GGT1: variants seen among roughly 807,000 people sequenced by gnomAD.
GGT1 encodes gamma-glutamyltransferase 1.
In GGT1, 21 loss-of-function variants were observed where a neutral mutation model predicts 56.0. That is an observed-to-expected ratio of 0.38 (90% CI 0.27 to 0.54). The LOEUF (loss-of-function observed/expected upper bound fraction) is 0.54, where lower values mean the gene tolerates loss of function less well. Among genes scored for constraint, GGT1 ranks in the 20% least tolerant of loss-of-function variants. The probability of loss-of-function intolerance (pLI) is 0.82; values close to 1 mark genes in which losing one functional copy is unlikely to be tolerated. For missense variants in GGT1, 466 were observed against 787.0 expected, an observed-to-expected ratio of 0.59 and a Z score of 4.88; for synonymous variants, 238 against 342.6, an observed-to-expected ratio of 0.69 and a Z score of 3.37.
At chr22:24,599,733 C>T (rs573241638), upstream of GGT1, among the ~76,000 whole-genome samples, 35 of 152,264 alleles carry the variant, frequency 2.3e-4, no homozygotes, top group South Asian at 7.0e-3. Context: ...GCCAGCAGGG[C>T]GCAGACTCGT....
chr22:24,620,811 G>A lies in GGT1; in HGVS notation c.576-102G>A. ...ACAGGGCCACCCACCTGTGACAGGCGCTGCCCCTGTTCTGCTCCGTTCTCC... is the reference window on the plus strand; with the variant it reads ...ACAGGGCCACCCACCTGTGACAGGCACTGCCCCTGTTCTGCTCCGTTCTCC... On this transcript the variant is annotated intron_variant, in intron 8 of 15. Transcript: ENST00000400382. This position sits in a 1 kb window ranked among gnomAD's most constrained non-coding sequence, Gnocchi z 5.6. 2.7e-6 allele frequency: 4 copies of A among 1,504,532 alleles called. No individual in the cohort carries two copies. The highest frequency in any genetic ancestry group is 2.2e-5 in the Admixed American group (1 of 45,464). The allele number at this position is 1,504,532 out of a possible 1,614,324, so 93.2% of individuals were successfully genotyped here.
At position 24,605,912 on chromosome 22, in the gene GGT1, TATG is replaced by T. The variant is rs1274310869; in HGVS notation, c.-428-2038_-428-2036del. Among the ~76,000 whole-genome samples the T allele has an allele frequency of 7.7e-5, 5 of 64,986 alleles. 1 individual carries two copies. Among genetic ancestry groups the T allele is most frequent in the Non-Finnish European group, 1.4e-4 (5 of 35,520 alleles). 42.6% of individuals were successfully genotyped at this position (64,986 alleles called of 152,430 possible). A position where few individuals can be genotyped will look rare whatever the true frequency, so the allele number is the denominator to read the frequency against. ...GTGTATTATATATTATATAATATTATATGATGTGTATTATATATTATATATAAT... is the reference window on the plus strand; with the variant it reads ...GTGTATTATATATTATATAATATTATATGTGTATTATATATTATATATAAT... On this transcript the variant is annotated intron_variant, in intron 1 of 15. Transcript: ENST00000400382.
rs2047218151 is a variant in GGT1 at position 24,618,662 on chromosome 22, CAT to C, written c.383-1665_383-1664del. 2.0e-5 allele frequency among the ~76,000 whole-genome samples: 3 copies of C among 152,190 alleles called. No homozygotes were observed. In the South Asian group the frequency reaches 6.2e-4, roughly 32 times the overall value. ...TGTCTAACTACAAGGTGGAAGGAATCATGTGCTGGGTGTCAGACCTTCCGGGA... is the reference window on the plus strand; with the variant it reads ...TGTCTAACTACAAGGTGGAAGGAATCGTGCTGGGTGTCAGACCTTCCGGGA... On this transcript the variant is annotated intron_variant, in intron 7 of 15. Coordinates refer to ENST00000400382, the MANE Select transcript of GGT1 (RefSeq NM_001288833.2).
intron 11 of GGT1, chr22:24,627,057 C>T (rs1238838419): frequency 2.4e-5 from 10 of 423,866 alleles, no homozygotes; most frequent in African/African-American, 4.1e-5. Flanking sequence ...TCAGCACTTT[C>T]CCTGTGTGTG....
chr22:24,626,410 G>A (rs2047772548), intron 11 of GGT1, among the ~76,000 whole-genome samples: 1 of 123,380 alleles, frequency 8.1e-6, no homozygotes, highest in Non-Finnish European at 1.7e-5. Context: ...GGGGACCTTG[G>A]CCAGGCTCAT....
Position 24,610,238 on chromosome 22 carries a change from C to G in GGT1, c.-289-12C>G, listed in dbSNP as rs577030000. On this transcript the variant is annotated splice_polypyrimidine_tract_variant and intron_variant, in intron 3 of 15. Coordinates refer to ENST00000400382, the MANE Select transcript of GGT1 (RefSeq NM_001288833.2). Reference sequence around the variant, plus strand: ...GAAACAAATGTGTTACTGACAGCCTCTTTGCCTCCAGAGTTCAACTGGAGA... The same window carrying G: ...GAAACAAATGTGTTACTGACAGCCTGTTTGCCTCCAGAGTTCAACTGGAGA... 2.0e-4 allele frequency: 60 copies of G among 305,330 alleles called. 1 individual carries two copies. In the East Asian group the frequency reaches 5.7e-3, roughly 29 times the overall value. The allele number at this position is 305,330 out of a possible 1,614,324, so 18.9% of individuals were successfully genotyped here.
At chr22:24,586,652 C>T in the GGT1 span, among the ~76,000 whole-genome samples, 1 of 152,266 alleles carries the variant, frequency 6.6e-6, no homozygotes, top group Non-Finnish European at 1.5e-5. Context: ...CTGCTTCAGC[C>T]TCCCAAGTAG....
chr22:24,609,856 C>T, intron 2 of GGT1, 109 bp from the exon 3 acceptor site: 1 of 393,936 alleles, frequency 2.5e-6, no homozygotes, highest in Middle Eastern at 9.6e-4. Context: ...ACCTGTGCCA[C>T]TCAGGCCTCC....
intron 9 of GGT1, among the ~76,000 whole-genome samples, chr22:24,621,278 T>G (rs930879906): frequency 1.3e-5 from 2 of 151,902 alleles, no homozygotes; most frequent in Non-Finnish European, 2.9e-5. Context: ...AAGTCCCTGT[T>G]GGGGTAAATG....
upstream of GGT1, chr22:24,593,222 C>G (rs2045627296): frequency 1.9e-6 from 1 of 522,754 alleles, no homozygotes; most frequent in Non-Finnish European, 2.5e-6. Flanking sequence ...TTGGCCTGAT[C>G]ACACTGGAGG....
chr22:24,618,202 G>A (rs113615208), intron 7 of GGT1, among the ~76,000 whole-genome samples: 1 of 152,074 alleles, frequency 6.6e-6, no homozygotes, highest in African/African-American at 2.4e-5. Context: ...TTCATTTCTG[G>A]GTGTTAGCAC....
intron 1 of GGT1, among the ~76,000 whole-genome samples, chr22:24,605,151 GTATTATATTATA>G (rs2045997048): frequency 2.3e-5 from 1 of 43,684 alleles, no homozygotes; most frequent in Non-Finnish European, 4.0e-5. Context: ...TATATAATAT[GTATTATATTATA>G]TATTATATAA....
chr22:24,585,668 G>A, the GGT1 span: 1 of 592,778 alleles, frequency 1.7e-6, no homozygotes, highest in Non-Finnish European at 3.0e-6. Flanking sequence ...GGTCCACACT[G>A]TGGGTGCTGG....
In GGT1 at chr22:24,623,897, A is replaced by T; in HGVS notation, c.1001A>T (p.Lys334Met). 1 of 1,611,344 alleles carries T rather than the reference A, an allele frequency of 6.2e-7. No homozygotes were observed. Among genetic ancestry groups the T allele is most frequent in the Non-Finnish European group, 8.5e-7 (1 of 1,179,640 alleles). ...YAKRTLLGDPKFVDVTEVVRN... is the reference protein window; with the variant it reads ...YAKRTLLGDPMFVDVTEVVRN... ...AAGAGGACCCTGCTTGGGGACCCCA[A>T]GTTTGTGGATGTGACTGAGGTAAGG... Residue 334 changes from lysine (K) to methionine (M), a missense_variant, in exon 11 of 16, where the codon AAG becomes ATG. Transcript: ENST00000400382.
At chr22:24,591,559 G>A (rs2045568821), upstream of GGT1, among the ~76,000 whole-genome samples, 1 of 152,244 alleles carries the variant, frequency 6.6e-6, no homozygotes, top group African/African-American at 2.4e-5. Flanking sequence ...GGTCCCTGCA[G>A]GTTATGGAGC....
rs201441490 is a variant in GGT1 at position 24,620,690 on chromosome 22, G to A, written c.575+170G>A. The A allele has an allele frequency of 2.7e-6, 4 of 1,457,368 alleles. No individual in the cohort carries two copies. In the Middle Eastern group the frequency reaches 7.6e-4, roughly 278 times the overall value. 90.3% of individuals were successfully genotyped at this position (1,457,368 alleles called of 1,614,324 possible). Reference sequence around the variant, plus strand: ...CGTGTGGGGACACATTCTGAGCGTGGGGTCCCAGTGGCCACTGTGGCTGGC... The same window carrying A: ...CGTGTGGGGACACATTCTGAGCGTGAGGTCCCAGTGGCCACTGTGGCTGGC... On this transcript the variant is annotated intron_variant, in intron 8 of 15. Transcript: ENST00000400382. The surrounding 1 kb of genome is among the most constrained non-coding windows in gnomAD (Gnocchi z 5.6).
rs776474509 is a variant in GGT1, at chr22:24,627,431, G to C, written c.1021-1G>C. 2.0e-6 allele frequency: 3 copies of C among 1,531,472 alleles called. No homozygotes were observed. Among genetic ancestry groups the C allele is most frequent in the Non-Finnish European group, 2.7e-6 (3 of 1,128,302 alleles). 94.9% of individuals were successfully genotyped at this position (1,531,472 alleles called of 1,614,324 possible). On this transcript the variant is annotated splice_acceptor_variant, in intron 11 of 15. Coordinates refer to ENST00000400382, the MANE Select transcript of GGT1 (RefSeq NM_001288833.2). LOFTEE classifies it high-confidence loss of function. ...TCAGGCCAGCTCTGGGGTCTCGGCA[G>C]GTGGTCCGCAACATGACCTCCGAGT...
intron 5 of GGT1, among the ~76,000 whole-genome samples, chr22:24,611,558 CTATCTATCT>C (rs2147332691): frequency 3.5e-4 from 45 of 129,466 alleles, no homozygotes; most frequent in African/African-American, 1.3e-3. Flanking sequence ...ATCTATCTAT[CTATCTATCT>C]ATCTATCTAT....
At chr22:24,618,175 C>T (rs893327122) in intron 7 of GGT1, among the ~76,000 whole-genome samples, 10 of 152,088 alleles carry the variant, frequency 6.6e-5, no homozygotes, top group East Asian at 1.9e-4. Context: ...TTGGAGTCTC[C>T]GTCACCTTGA....
Sources: allele counts gnomAD v4.1 joint callset (sites outside exome capture counted in the v4.1 genomes callset), GRCh38; gene constraint gnomAD v4.1.1; non-coding constraint Gnocchi (gnomAD v3.1); transcripts MANE v1.5; gene names NCBI Gene and HGNC (gene_info 2026-07-23, HGNC 2026-07-21).